DHX36: variants seen among roughly 807,000 people sequenced by gnomAD.
DHX36 encodes DEAH-box helicase 36, also known as ATP-dependent DNA/RNA helicase DHX36.
Under a neutral mutation model 139.0 loss-of-function variants are expected in DHX36, and 50 were observed. The observed-to-expected ratio is 0.36, with a 90% CI of 0.29 to 0.46. DHX36 has a LOEUF of 0.46. DHX36 is among the 20% of genes least tolerant of loss of function. The pLI is 1.00. For synonymous variants in DHX36, 425 were observed against 401.9 expected (o/e 1.06, Z -0.69); for missense variants, 1,024 against 1,211.3 (o/e 0.85, Z 2.29).
chr3:154,285,222 G>A (rs1198606905), intron 17 of DHX36, among the ~76,000 whole-genome samples: 1 of 152,122 alleles, frequency 6.6e-6, no homozygotes, highest in Non-Finnish European at 1.5e-5. Context: ...TCTGTGTTGA[G>A]AGAAATACCA....
intron 22 of DHX36, chr3:154,279,084 C>T (rs779350345): frequency 3.3e-5 from 5 of 152,412 alleles, no homozygotes; most frequent in Non-Finnish European, 7.3e-5. Flanking sequence ...CTCAAGTAAT[C>T]TAACAGCCTC....
At chr3:154,290,606 G>C in intron 15 of DHX36, among the ~76,000 whole-genome samples, 1 of 133,036 alleles carries the variant, frequency 7.5e-6, no homozygotes, top group East Asian at 2.3e-4. Context: ...ATGTACTCCA[G>C]TCTGGTGACA....
chr3:154,320,786 C>G (rs997408006), intron 1 of DHX36, among the ~76,000 whole-genome samples: 1 of 152,164 alleles, frequency 6.6e-6, no homozygotes, highest in Non-Finnish European at 1.5e-5. Flanking sequence ...CCACTGCCAA[C>G]GTGCTAATTC....
chr3:154,324,146 T>C, intron 1 of DHX36, 28 bp downstream of exon 1: 1 of 1,588,616 alleles, frequency 6.3e-7, no homozygotes, highest in Non-Finnish European at 8.6e-7. Context: ...TGCTGCCTCA[T>C]CCTCTCCACT....
rs563741813 is a variant in DHX36, at chr3:154,280,945, T to C, written c.2377-83A>G. ...ACCATACACTAATAGATAAATTGAG[T>C]TGTAAGCTATCCCTGCTTTATGAAA... On this transcript the variant is annotated intron_variant, in intron 20 of 24. Coordinates refer to ENST00000496811, the MANE Select transcript of DHX36 (RefSeq NM_020865.3). The C allele has an allele frequency of 2.9e-5, 29 of 1,010,446 alleles. No individual in the cohort carries two copies. In the African/African-American group the frequency reaches 4.5e-4, roughly 16 times the overall value. The allele number at this position is 1,010,446 out of a possible 1,614,324, so 62.6% of individuals were successfully genotyped here.
chr3:154,310,791 A>AT (rs1712704885), intron 4 of DHX36, among the ~76,000 whole-genome samples: 1 of 33,652 alleles, frequency 3.0e-5, no homozygotes, highest in South Asian at 1.3e-3. Flanking sequence ...AAAAAAAAAA[A>AT]AAAAAAAAAA....
chr3:154,279,131 C>T (rs560892258), intron 22 of DHX36: 1 of 152,218 alleles, frequency 6.6e-6, no homozygotes, highest in Admixed American at 6.5e-5. Flanking sequence ...GTGTGAGCCA[C>T]TGTGCCTGGC....
intron 15 of DHX36, 88 bp from the exon 16 acceptor site, chr3:154,289,914 G>A (rs1576862359): frequency 2.8e-6 from 2 of 725,704 alleles, no homozygotes; most frequent in Non-Finnish European, 4.7e-6. Context: ...AGGCAGGGAA[G>A]TAGCCAATAT....
Position 154,301,007 on chromosome 3 carries a change from A to G in DHX36, c.1338T>C (p.Tyr446=), listed in dbSNP as rs1712252049. 5 of 1,612,368 alleles carry G rather than the reference A, an allele frequency of 3.1e-6. No individual in the cohort carries two copies. The East Asian group carries it at 1.1e-4, about 36-fold the overall frequency. The stretch of plus-strand genomic sequence containing the variant: ...CTTACCTTCTTCGCAGTTCCCTTAC[A>G]TAATCTGGCCAACGTTCTTTATATA... ...EAIYKERWPD[Y]VRELRRRYSA... The change falls in exon 10 of 25, where the codon TAT becomes TAC. Residue 446 remains tyrosine, a synonymous_variant. Transcript: ENST00000496811.
rs1442389221 is a variant in DHX36 at position 154,273,698 on chromosome 3, C to T, written c.*2473G>A. Reference sequence around the variant, plus strand: ...GATTTGAGACATAACAGGTAACACACATTCCCAGGATTGGGAGCAGTACCT... The same window carrying T: ...GATTTGAGACATAACAGGTAACACATATTCCCAGGATTGGGAGCAGTACCT... On this transcript the variant is annotated 3_prime_UTR_variant, in exon 25 of 25. Coordinates refer to ENST00000496811, the MANE Select transcript of DHX36 (RefSeq NM_020865.3). 2 of 152,238 alleles carry T rather than the reference C, an allele frequency of 1.3e-5. No individual in the cohort carries two copies. Among genetic ancestry groups the T allele is most frequent in the African/African-American group, 2.4e-5 (1 of 41,458 alleles). The allele number at this position is 152,238 out of a possible 1,614,324, so 9.4% of individuals were successfully genotyped here.
At chr3:154,286,782 G>A (rs942863365) in intron 17 of DHX36, among the ~76,000 whole-genome samples, 3 of 149,992 alleles carry the variant, frequency 2.0e-5, no homozygotes, top group African/African-American at 7.3e-5. Flanking sequence ...TCACCAAGAA[G>A]GACCAAGACA....
At chr3:154,277,393 C>G (rs371111684) in intron 23 of DHX36, among the ~76,000 whole-genome samples, 1 of 151,942 alleles carries the variant, frequency 6.6e-6, no homozygotes, top group East Asian at 1.9e-4. Flanking sequence ...AATAACTGTC[C>G]TAACTAATTA....
chr3:154,314,984 C>T (rs1712907652), intron 3 of DHX36, 62 bp downstream of exon 3: 4 of 1,155,950 alleles, frequency 3.5e-6, no homozygotes, highest in South Asian at 3.0e-5. Flanking sequence ...TCTAACCATA[C>T]ATACATTTTT....
chr3:154,301,822 G>A (rs1201329398), intron 9 of DHX36, among the ~76,000 whole-genome samples: 1 of 151,936 alleles, frequency 6.6e-6, no homozygotes, highest in Admixed American at 6.6e-5. Context: ...AGAGGCACGA[G>A]GTGGGAAAAG....
intron 3 of DHX36, among the ~76,000 whole-genome samples, chr3:154,313,819 C>T (rs571972982): frequency 4.6e-5 from 7 of 152,064 alleles, no homozygotes; most frequent in Non-Finnish European, 1.0e-4. Flanking sequence ...AGTTGTTAAA[C>T]ACAGCTGAAT....
rs374691038 is a variant in DHX36 at position 154,284,829 on chromosome 3, T to C, written c.2190A>G (p.Pro730=). Residue 730 remains proline (P), a synonymous_variant, in exon 18 of 25, where the codon CCA becomes CCG. Coordinates refer to ENST00000496811, the MANE Select transcript of DHX36 (RefSeq NM_020865.3). The part of the protein sequence containing the change: ...TIAASLSFKD[P]FVIPLGKEKI... The stretch of plus-strand genomic sequence containing the variant: ...TTTTTCTTACCAGTGGAATGACAAA[T>C]GGATCTTTGAAACTGAGACTAGCAG... The C allele has an allele frequency of 9.9e-6, 16 of 1,613,794 alleles. No individual in the cohort carries two copies. The highest frequency in any genetic ancestry group is 1.6e-4 in the Middle Eastern group (1 of 6,082).
chr3:154,298,536 A>G (rs1712132734), intron 12 of DHX36, among the ~76,000 whole-genome samples: 1 of 152,272 alleles, frequency 6.6e-6, no homozygotes, highest in South Asian at 2.1e-4. Context: ...GAATGCTTTC[A>G]GAGCATAACA....
intron 5 of DHX36, among the ~76,000 whole-genome samples, chr3:154,309,234 A>T (rs985541334): frequency 1.7e-4 from 26 of 152,078 alleles, no homozygotes; most frequent in Admixed American, 6.6e-4. Context: ...CAGCTTAAAA[A>T]AAAAAACAAG....
At position 154,275,760 on chromosome 3, in the gene DHX36, T is replaced by C. The variant is rs944793060; in HGVS notation, c.*411A>G. ...AGAAGTTTCATTTTAAAAAATGTGG[T>C]TGTGTTCAAATTCTTAATTGACACT... On this transcript the variant is annotated 3_prime_UTR_variant, in exon 25 of 25. Transcript: ENST00000496811. 1 of 153,108 alleles carries C rather than the reference T, an allele frequency of 6.5e-6. No individual in the cohort carries two copies. Among genetic ancestry groups the C allele is most frequent in the African/African-American group, 2.4e-5 (1 of 41,448 alleles). The allele number at this position is 153,108 out of a possible 1,614,324, so 9.5% of individuals were successfully genotyped here. A position where few individuals can be genotyped will look rare whatever the true frequency, so the allele number is the denominator to read the frequency against.
Sources: gnomAD v4.1 joint callset for allele counts (sites outside exome capture counted in the v4.1 genomes callset) on GRCh38, gnomAD v4.1.1 for gene constraint, MANE v1.5 for transcripts, NCBI Gene and HGNC (gene_info 2026-07-23, HGNC 2026-07-21) for gene names.